Variants in C6orf89 observed in about 807,000 individuals in gnomAD.
The protein encoded by C6orf89 is bombesin receptor-activated protein C6orf89.
Under a neutral mutation model 40.7 loss-of-function variants are expected in C6orf89, and 29 were observed. The observed-to-expected ratio is 0.71, with a 90% CI of 0.53 to 0.97. The LOEUF (loss-of-function observed/expected upper bound fraction) is 0.97. Among genes scored for constraint, C6orf89 ranks in the 50% least tolerant of loss-of-function variants. C6orf89 has a pLI of 0.00. For synonymous variants in C6orf89, 165 were observed against 152.2 expected (o/e 1.08, Z -0.62); for missense variants, 392 against 429.1 (o/e 0.91, Z 0.76).
At chr6:36,888,511 G>A (rs1165889085) in intron 1 of C6orf89, among the ~76,000 whole-genome samples, 1 of 152,146 alleles carries the variant, frequency 6.6e-6, no homozygotes, top group Non-Finnish European at 1.5e-5. Context: ...GCGCGTGCCT[G>A]TACTCCCAGC....
chr6:36,916,622 A>G, intron 7 of C6orf89, 48 bp downstream of exon 7: 1 of 1,611,190 alleles, frequency 6.2e-7, no homozygotes, highest in Non-Finnish European at 8.5e-7. Context: ...TTTATTTGGG[A>G]CCTGGACTGA....
intron 4 of C6orf89, among the ~76,000 whole-genome samples, chr6:36,906,519 T>G (rs940762126): frequency 2.0e-5 from 3 of 152,248 alleles, no homozygotes; most frequent in Non-Finnish European, 4.4e-5. Context: ...TTGCTGTGTT[T>G]TTGATAATAA....
intron 3 of C6orf89, among the ~76,000 whole-genome samples, chr6:36,900,079 T>G (rs7761425): frequency 0.26 from 38,704 of 150,868 alleles, 5,262 homozygotes; most frequent in African/African-American, 0.34. Flanking sequence ...TAGAGACAGG[T>G]TTTCTCCATG....
intron 1 of C6orf89, chr6:36,874,767 C>A: frequency 6.2e-7 from 1 of 1,614,148 alleles, no homozygotes; most frequent in Non-Finnish European, 8.5e-7. Flanking sequence ...GGGGAATTGC[C>A]GCCATAGCGA....
intron 2 of C6orf89, among the ~76,000 whole-genome samples, chr6:36,898,277 TCTTTTC>T (rs1271029303): frequency 2.1e-5 from 3 of 139,712 alleles, no homozygotes; most frequent in East Asian, 4.3e-4. Flanking sequence ...TCTTTTCTTT[TCTTTTC>T]TTTTTTTTTT....
intron 4 of C6orf89, among the ~76,000 whole-genome samples, chr6:36,903,290 T>A (rs1761792567): frequency 6.6e-6 from 1 of 152,054 alleles, no homozygotes; most frequent in Admixed American, 6.6e-5. Flanking sequence ...ATTTTGGGAT[T>A]TTTTTGGTGA....
chr6:36,913,294 G>A (rs1399382504), intron 4 of C6orf89, among the ~76,000 whole-genome samples: 1 of 152,220 alleles, frequency 6.6e-6, no homozygotes, highest in East Asian at 1.9e-4. Context: ...CAGCATGTGG[G>A]GCTGGAAACT....
chr6:36,916,832 C>T (rs1354898600), intron 7 of C6orf89, among the ~76,000 whole-genome samples: 3 of 152,254 alleles, frequency 2.0e-5, no homozygotes, highest in East Asian at 3.9e-4. Flanking sequence ...AGGCAAACTA[C>T]TTTTCTATAT....
In C6orf89 at chr6:36,899,490, G is replaced by A. The variant is rs1311420860; in HGVS notation, c.46G>A (p.Glu16Lys). Residue 16 changes from glutamate to lysine, a missense_variant, in exon 3 of 9, where the codon GAG (glutamate) becomes AAG (lysine). Physicochemically the swap from Glu to Lys is moderately conservative, Grantham distance 56. Coordinates refer to ENST00000480824, the MANE Select transcript of C6orf89 (RefSeq NM_001286635.2). ...GATCAGCATTTATGACAAACTTTCA[G>A]AGACTGTTGATTTGGTGAGACAGAC... ...NEISIYDKLS[E>K]TVDLVRQTGH... 1.9e-6 allele frequency: 3 copies of A among 1,614,006 alleles called. No individual in the cohort carries two copies. The highest frequency in any genetic ancestry group is 2.5e-6 in the Non-Finnish European group (3 of 1,180,042).
intron 6 of C6orf89, among the ~76,000 whole-genome samples, chr6:36,915,805 C>G (rs1461170346): frequency 6.6e-6 from 1 of 152,104 alleles, no homozygotes; most frequent in East Asian, 1.9e-4. Context: ...GGATCGAAAC[C>G]CCAGTTTGTC....
upstream of C6orf89, chr6:36,885,871 T>A (rs1305356988): frequency 1.4e-5 from 8 of 570,130 alleles, no homozygotes; most frequent in Non-Finnish European, 2.1e-5. Context: ...GCGGAAGCGC[T>A]GGACGAGAGG....
chr6:36,920,987 A>G (rs1762490143), intron 8 of C6orf89, among the ~76,000 whole-genome samples: 1 of 152,210 alleles, frequency 6.6e-6, no homozygotes, highest in Admixed American at 6.5e-5. Context: ...TTAAAAAAAA[A>G]AAAGTCTGGC....
Position 36,914,548 on chromosome 6 carries a change from G to A in C6orf89, c.556-6G>A. On this transcript the variant is annotated splice_region_variant and splice_polypyrimidine_tract_variant and intron_variant, in intron 5 of 8. Coordinates refer to ENST00000480824, the MANE Select transcript of C6orf89 (RefSeq NM_001286635.2). ...GTTGTTTTGTTTTGTTTCCTGCCTT[G>A]CCAAGACGGGAAAGCCCCTGTTGGA... The A allele has an allele frequency of 1.9e-6, 3 of 1,613,896 alleles. No homozygotes were observed. Among genetic ancestry groups the A allele is most frequent in the Non-Finnish European group, 2.5e-6 (3 of 1,179,754 alleles).
chr6:36,897,129 CAAAAAA>C (rs34191608), intron 2 of C6orf89, among the ~76,000 whole-genome samples: 3 of 85,366 alleles, frequency 3.5e-5, no homozygotes, highest in East Asian at 3.3e-4. Flanking sequence ...GACTCTGTCT[CAAAAAA>C]AAAAAAAAAA....
chr6:36,872,857 G>A (rs1282411319), intron 1 of C6orf89, among the ~76,000 whole-genome samples: 1 of 152,174 alleles, frequency 6.6e-6, no homozygotes, highest in African/African-American at 2.4e-5. Context: ...CAATCTACCT[G>A]CCTTGGCCTC....
chr6:36,906,049 A>G (rs768998573), intron 4 of C6orf89, among the ~76,000 whole-genome samples: 8 of 152,238 alleles, frequency 5.3e-5, no homozygotes, highest in African/African-American at 9.7e-5. Context: ...TAAAAATAAC[A>G]TATTCATTTC....
At chr6:36,882,099 G>A (rs1030008684), upstream of C6orf89, among the ~76,000 whole-genome samples, 5 of 152,046 alleles carry the variant, frequency 3.3e-5, no homozygotes, top group African/African-American at 1.2e-4. Context: ...TAGTCAGTTG[G>A]CCTCATGCTA....
At chr6:36,908,564 C>G (rs1035877918) in intron 4 of C6orf89, among the ~76,000 whole-genome samples, 1 of 152,116 alleles carries the variant, frequency 6.6e-6, no homozygotes, top group East Asian at 1.9e-4. Context: ...TTTTCCATGT[C>G]TATACAAATA....
At chr6:36,889,830 G>A (rs536306796) in intron 1 of C6orf89, among the ~76,000 whole-genome samples, 16 of 152,284 alleles carry the variant, frequency 1.1e-4, no homozygotes, top group Admixed American at 9.1e-4. Flanking sequence ...GTAGAATAAC[G>A]TCGTTATTCT....
Sources: allele counts gnomAD v4.1 joint callset (sites outside exome capture counted in the v4.1 genomes callset), GRCh38; gene constraint gnomAD v4.1.1; transcripts MANE v1.5; gene names NCBI Gene and HGNC (gene_info 2026-07-23, HGNC 2026-07-21).